The following PIK3C2G variants were observed in gnomAD, a reference collection of about 807,000 sequenced individuals.
The protein encoded by PIK3C2G is phosphatidylinositol 3-kinase C2 domain-containing subunit gamma.
Under a neutral mutation model 181.1 loss-of-function variants are expected in PIK3C2G, and 168 were observed. The ratio of observed to expected loss-of-function variants is 0.93; its 90% CI spans 0.82 to 1.05. The LOEUF is 1.05. Ranked by LOEUF, PIK3C2G falls within the 50% of genes least tolerant of loss-of-function variation. The probability of loss-of-function intolerance (pLI) is 0.00; values close to 1 mark genes in which losing one functional copy is unlikely to be tolerated. For synonymous variants in PIK3C2G, 573 were observed against 592.2 expected, an observed-to-expected ratio of 0.97 and a Z score of 0.47; for missense variants, 1,869 against 1,732.8, an observed-to-expected ratio of 1.08 and a Z score of -1.40.
the PIK3C2G span, chr12:18,723,532 C>T: frequency 1.2e-6 from 2 of 1,611,640 alleles, no homozygotes; most frequent in South Asian, 1.1e-5. Flanking sequence ...TTGTTTCAGC[C>T]TGTCATTGTC....
chr12:18,286,332 TA>T (rs983905064), intron 2 of PIK3C2G, among the ~76,000 whole-genome samples: 46 of 152,032 alleles, frequency 3.0e-4, no homozygotes, highest in Admixed American at 5.2e-4. Context: ...ACCAAAAAGC[TA>T]AAAACAACTC....
chr12:18,644,204 T>C (rs948157380), intron 32 of PIK3C2G, among the ~76,000 whole-genome samples: 1 of 152,042 alleles, frequency 6.6e-6, no homozygotes, highest in African/African-American at 2.4e-5. Flanking sequence ...ACCCCTGTCA[T>C]GTACAAATCC....
At chr12:18,724,306 G>A in the PIK3C2G span, among the ~76,000 whole-genome samples, 3 of 151,998 alleles carry the variant, frequency 2.0e-5, no homozygotes, top group South Asian at 2.1e-4. Flanking sequence ...AGAAGAATTC[G>A]ACACAATGAA....
Position 18,521,833 on chromosome 12 carries a change from G to A in PIK3C2G, c.3324-16323G>A, listed in dbSNP as rs115908115. 9.3e-4 allele frequency among the ~76,000 whole-genome samples: 142 copies of A among 152,346 alleles called. 1 individual carries two copies. The highest frequency in any genetic ancestry group is 3.4e-3 in the Middle Eastern group (1 of 294). ...CAGCAGGCTTAAGCAGATTTTAGCC[G>A]AGTGGCTGTTGAGAATCTGTGCGGC... On this transcript the variant is annotated intron_variant, in intron 24 of 32. Transcript: ENST00000538779.
At chr12:18,357,214 T>C (rs1004027638) in intron 11 of PIK3C2G, among the ~76,000 whole-genome samples, 1 of 152,186 alleles carries the variant, frequency 6.6e-6, no homozygotes, top group Non-Finnish European at 1.5e-5. Context: ...ATTTCTATTA[T>C]ATACATATAT....
At chr12:18,262,574 A>C (rs966878682) in intron 1 of PIK3C2G, among the ~76,000 whole-genome samples, 1 of 151,646 alleles carries the variant, frequency 6.6e-6, no homozygotes, top group Non-Finnish European at 1.5e-5. Context: ...GCATAAGAAA[A>C]TAGTGAGCAT....
At chr12:18,281,837 TATA>T (rs1949232525) in intron 1 of PIK3C2G, among the ~76,000 whole-genome samples, 164 bp from the exon 2 acceptor site, 1 of 152,200 alleles carries the variant, frequency 6.6e-6, no homozygotes, top group African/African-American at 2.4e-5. Context: ...CTTTCAGACT[TATA>T]ATGTTGTAAG....
intron 7 of PIK3C2G, among the ~76,000 whole-genome samples, chr12:18,323,199 G>C (rs766207068): frequency 6.6e-6 from 1 of 152,126 alleles, no homozygotes; most frequent in Non-Finnish European, 1.5e-5. Flanking sequence ...GGGGTCCAGA[G>C]GGTTAATTCA....
chr12:18,704,018 G>C, the PIK3C2G span, among the ~76,000 whole-genome samples: 1 of 152,150 alleles, frequency 6.6e-6, no homozygotes. Flanking sequence ...ATAAAATTTG[G>C]GATAGGGAGA....
Position 18,446,631 on chromosome 12 carries a change from G to T in PIK3C2G, c.2504+22592G>T, listed in dbSNP as rs184589626. Among the ~76,000 whole-genome samples, 3 of 152,218 alleles carry T rather than the reference G, an allele frequency of 2.0e-5. No homozygotes were observed. The East Asian group carries it at 5.8e-4, about 29-fold the overall frequency. ...ATGGTGCATTTTCTGTTTAGACCCT[G>T]TTACAGTGGAGGAAGCAGCTATTGT... On this transcript the variant is annotated intron_variant, in intron 18 of 32. Coordinates refer to ENST00000538779, the MANE Select transcript of PIK3C2G (RefSeq NM_001288772.2).
At chr12:18,719,778 T>C in the PIK3C2G span, 3 of 483,386 alleles carry the variant, frequency 6.2e-6, no homozygotes, top group South Asian at 1.2e-4. Flanking sequence ...TATATTTATG[T>C]TGTTTGGAAA....
chr12:18,432,252 C>G (rs1946201456), intron 18 of PIK3C2G, among the ~76,000 whole-genome samples: 1 of 152,126 alleles, frequency 6.6e-6, no homozygotes, highest in Non-Finnish European at 1.5e-5. Context: ...GCTCCAGCAT[C>G]AATGTATCAC....
intron 18 of PIK3C2G, among the ~76,000 whole-genome samples, chr12:18,452,017 T>C (rs1470774954): frequency 6.6e-6 from 1 of 152,224 alleles, no homozygotes; most frequent in Non-Finnish European, 1.5e-5. Context: ...ATCAGGGATA[T>C]TGGCCTGAAA....
chr12:18,620,700 G>T (rs1248528446), intron 31 of PIK3C2G, among the ~76,000 whole-genome samples: 1 of 151,694 alleles, frequency 6.6e-6, no homozygotes, highest in Non-Finnish European at 1.5e-5. Context: ...TTCTGAATTT[G>T]CAAAGTGAGT....
At chr12:18,249,426 T>C (rs1006157860) in intron 1 of PIK3C2G, among the ~76,000 whole-genome samples, 1 of 152,208 alleles carries the variant, frequency 6.6e-6, no homozygotes, top group Non-Finnish European at 1.5e-5. Flanking sequence ...TACTTGCTTC[T>C]CTTTCTCCCT....
chr12:18,696,176 T>A, the PIK3C2G span: 1 of 1,576,802 alleles, frequency 6.3e-7, no homozygotes, highest in Non-Finnish European at 8.7e-7. Context: ...ATTCCAAAAT[T>A]CTTGGGGATT....
chr12:18,360,902 C>T (rs1010522652), intron 11 of PIK3C2G, among the ~76,000 whole-genome samples: 2 of 152,118 alleles, frequency 1.3e-5, no homozygotes, highest in Non-Finnish European at 2.9e-5. Flanking sequence ...TCTGGATGTT[C>T]ATTTTCTTCC....
chr12:18,686,578 G>A, the PIK3C2G span, among the ~76,000 whole-genome samples: 1,050 of 151,992 alleles, frequency 6.9e-3, 8 homozygotes, highest in African/African-American at 0.024. Context: ...TATGGCTTCT[G>A]CCTTAAATGT....
intron 24 of PIK3C2G, among the ~76,000 whole-genome samples, chr12:18,519,344 G>A (rs962445110): frequency 1.2e-4 from 18 of 152,256 alleles, no homozygotes; most frequent in African/African-American, 4.3e-4. Flanking sequence ...CTATTATTGT[G>A]TGGGAGTCTC....
Sources: allele counts gnomAD v4.1 joint callset (sites outside exome capture counted in the v4.1 genomes callset), GRCh38; gene constraint gnomAD v4.1.1; transcripts MANE v1.5; gene names NCBI Gene and HGNC (gene_info 2026-07-23, HGNC 2026-07-21).